CYSTM1: variants seen among roughly 807,000 people sequenced by gnomAD.
The protein encoded by CYSTM1 is cysteine-rich transmembrane module-containing protein 1.
CYSTM1 carries 4 observed loss-of-function variants against 13.1 expected under a neutral mutation model. That is an observed-to-expected ratio of 0.31 (90% CI 0.15 to 0.70). The LOEUF is 0.70. Among genes scored for constraint, CYSTM1 ranks in the 30% least tolerant of loss-of-function variants. The pLI, the probability that CYSTM1 is intolerant of heterozygous loss-of-function variation, is 0.72. For synonymous variants in CYSTM1, 36 were observed against 42.7 expected (o/e 0.84, Z 0.62); for missense variants, 96 against 121.6 (o/e 0.79, Z 0.99).
intron 2 of CYSTM1, among the ~76,000 whole-genome samples, chr5:140,236,354 G>A (rs1370684899): frequency 6.6e-6 from 1 of 152,210 alleles, no homozygotes; most frequent in East Asian, 1.9e-4. Context: ...ACTGTATGAT[G>A]TTTTGCAAGA....
At chr5:140,236,223 C>A (rs765597717) in intron 2 of CYSTM1, among the ~76,000 whole-genome samples, 6 of 152,164 alleles carry the variant, frequency 3.9e-5, no homozygotes, top group Non-Finnish European at 7.4e-5. Flanking sequence ...CGTCTTTCAT[C>A]TTTTATAAAC....
At chr5:140,181,378 A>G (rs771463950) in intron 1 of CYSTM1, among the ~76,000 whole-genome samples, 6 of 152,170 alleles carry the variant, frequency 3.9e-5, no homozygotes, top group Non-Finnish European at 7.3e-5. Context: ...CTAATCTTTG[A>G]TCGCAGTTTC....
intron 2 of CYSTM1, among the ~76,000 whole-genome samples, chr5:140,216,141 C>CAA: frequency 6.9e-6 from 1 of 144,430 alleles, no homozygotes; most frequent in African/African-American, 2.5e-5. Flanking sequence ...GACCCTGTCT[C>CAA]AAAAAAAAAA....
At chr5:140,188,283 A>C (rs926660586) in intron 1 of CYSTM1, among the ~76,000 whole-genome samples, 5 of 151,816 alleles carry the variant, frequency 3.3e-5, no homozygotes, top group Admixed American at 6.6e-5. Flanking sequence ...AGGTTTCACT[A>C]TGTTACCCTA....
At chr5:140,234,199 A>G (rs1049257527) in intron 2 of CYSTM1, among the ~76,000 whole-genome samples, 1 of 152,098 alleles carries the variant, frequency 6.6e-6, no homozygotes, top group African/African-American at 2.4e-5. Flanking sequence ...CCATACCAAT[A>G]TTTTTCAAAA....
At chr5:140,220,926 G>A (rs1299728973) in intron 2 of CYSTM1, among the ~76,000 whole-genome samples, 1 of 152,172 alleles carries the variant, frequency 6.6e-6, no homozygotes, top group Non-Finnish European at 1.5e-5. Flanking sequence ...TGCTGGGACA[G>A]AACATCCTGA....
intron 1 of CYSTM1, among the ~76,000 whole-genome samples, chr5:140,192,867 G>T (rs1764109290): frequency 6.6e-6 from 1 of 152,178 alleles, no homozygotes; most frequent in Non-Finnish European, 1.5e-5. Flanking sequence ...AGCTTTCCCT[G>T]AAGCACATGA....
intron 1 of CYSTM1, among the ~76,000 whole-genome samples, chr5:140,183,533 C>A (rs1384678271): frequency 6.6e-6 from 1 of 152,214 alleles, no homozygotes; most frequent in Non-Finnish European, 1.5e-5. Flanking sequence ...ACCTTCATTT[C>A]TCTACTGGCT....
chr5:140,240,752 C>G (rs912066832), intron 2 of CYSTM1, among the ~76,000 whole-genome samples: 3 of 152,076 alleles, frequency 2.0e-5, no homozygotes, highest in Non-Finnish European at 4.4e-5. Flanking sequence ...ACCGCAGGTG[C>G]TCTGAAGAAC....
chr5:140,215,171 G>A (rs1764412118), intron 2 of CYSTM1, among the ~76,000 whole-genome samples: 1 of 152,176 alleles, frequency 6.6e-6, no homozygotes, highest in South Asian at 2.1e-4. Flanking sequence ...GTCACTCTCA[G>A]GAGAACTGTC....
chr5:140,190,451 A>C (rs1764081361), intron 1 of CYSTM1, among the ~76,000 whole-genome samples: 1 of 152,066 alleles, frequency 6.6e-6, no homozygotes, highest in African/African-American at 2.4e-5. Context: ...TGACTGGGTG[A>C]GTCATTTCTT....
intron 1 of CYSTM1, among the ~76,000 whole-genome samples, chr5:140,181,592 C>T (rs549255569): frequency 2.0e-5 from 3 of 152,182 alleles, no homozygotes; most frequent in Non-Finnish European, 4.4e-5. Context: ...AAAAGATCTT[C>T]CCACCTCAGT....
intron 1 of CYSTM1, among the ~76,000 whole-genome samples, chr5:140,178,474 A>G (rs1037527842): frequency 1.4e-5 from 1 of 71,966 alleles, no homozygotes; most frequent in African/African-American, 6.1e-5. Context: ...TTTCAGAAAC[A>G]GGGCTTGCTA....
At chr5:140,216,861 G>A (rs756283620) in intron 2 of CYSTM1, among the ~76,000 whole-genome samples, 3 of 151,176 alleles carry the variant, frequency 2.0e-5, no homozygotes, top group Non-Finnish European at 2.9e-5. Context: ...GAAGTAAGGG[G>A]AGGAAGTAGA....
rs1764606858 is a variant in CYSTM1 at position 140,230,452 on chromosome 5, A to C, written c.188-12853A>C. Among the ~76,000 whole-genome samples, 1 of 152,230 alleles carries C rather than the reference A, an allele frequency of 6.6e-6. No homozygotes were observed. The highest frequency in any genetic ancestry group is 2.4e-5 in the African/African-American group (1 of 41,468). On this transcript the variant is annotated intron_variant, in intron 2 of 2. Transcript: ENST00000261811. This position sits in a 1 kb window ranked among gnomAD's most constrained non-coding sequence, Gnocchi z 4.1. Reference sequence around the variant, plus strand: ...AGAAAAGGTTAGAGGGGTGGATTCCAGGATGAGAGATGGTTGATGGAAGGA... The same window carrying C: ...AGAAAAGGTTAGAGGGGTGGATTCCCGGATGAGAGATGGTTGATGGAAGGA...
chr5:140,206,930 CTG>C (rs2126662185), intron 2 of CYSTM1, among the ~76,000 whole-genome samples: 1 of 152,296 alleles, frequency 6.6e-6, no homozygotes, highest in South Asian at 2.1e-4. Context: ...GCCACCAAGG[CTG>C]TCTCAGTTTA....
intron 1 of CYSTM1, among the ~76,000 whole-genome samples, chr5:140,192,589 AT>A (rs2126656699): frequency 6.6e-6 from 1 of 152,270 alleles, no homozygotes; most frequent in Non-Finnish European, 1.5e-5. Flanking sequence ...AGGGCTGCAG[AT>A]TGGCTGTCAG....
intron 2 of CYSTM1, among the ~76,000 whole-genome samples, chr5:140,242,616 T>C (rs1764764412): frequency 6.6e-6 from 1 of 152,160 alleles, no homozygotes; most frequent in African/African-American, 2.4e-5. Context: ...TCTTGACCTA[T>C]GGATTTGTTT....
chr5:140,207,959 T>A (rs1764317259), intron 2 of CYSTM1, among the ~76,000 whole-genome samples: 1 of 152,144 alleles, frequency 6.6e-6, no homozygotes, highest in Non-Finnish European at 1.5e-5. Flanking sequence ...GGAGAGGTTG[T>A]GAAGAAAAGG....
Sources: gnomAD v4.1 joint callset for allele counts (sites outside exome capture counted in the v4.1 genomes callset) on GRCh38, gnomAD v4.1.1 for gene constraint, Gnocchi (gnomAD v3.1) non-coding constraint, MANE v1.5 for transcripts, NCBI Gene and HGNC (gene_info 2026-07-23, HGNC 2026-07-21) for gene names.